PCDH9: variants seen among roughly 807,000 people sequenced by gnomAD.
PCDH9 encodes protocadherin-9.
Under a neutral mutation model 70.6 loss-of-function variants are expected in PCDH9, and 24 were observed. The observed-to-expected ratio is 0.34, with a 90% CI of 0.25 to 0.48. The LOEUF is 0.48. PCDH9 is among the 20% of genes least tolerant of loss of function. The pLI is 0.99. For missense variants in PCDH9, 1,281 were observed against 1,503.6 expected (o/e 0.85, Z 2.45); for synonymous variants, 562 against 558.5 (o/e 1.01, Z -0.09).
At chr13:66,976,034 A>G (rs1171612693) in intron 2 of PCDH9, among the ~76,000 whole-genome samples, 4 of 152,026 alleles carry the variant, frequency 2.6e-5, no homozygotes, top group Non-Finnish European at 1.5e-5. Context: ...GGTAGAGAAA[A>G]ATAGGGCCTT....
At chr13:66,965,804 C>T (rs567322933) in intron 2 of PCDH9, among the ~76,000 whole-genome samples, 1 of 151,766 alleles carries the variant, frequency 6.6e-6, no homozygotes, top group Non-Finnish European at 1.5e-5. Flanking sequence ...TTTTTAATGT[C>T]AGCTATAGTA....
intron 4 of PCDH9, among the ~76,000 whole-genome samples, chr13:66,453,430 AT>A (rs1035347315): frequency 1.3e-5 from 2 of 152,178 alleles, no homozygotes; most frequent in African/African-American, 4.8e-5. Flanking sequence ...CCTATGTGAT[AT>A]TGTTCCCTAA....
chr13:66,996,645 T>A (rs1246138652), intron 2 of PCDH9, among the ~76,000 whole-genome samples: 1 of 152,214 alleles, frequency 6.6e-6, no homozygotes, highest in Non-Finnish European at 1.5e-5. Flanking sequence ...CAGTGCCTAG[T>A]ACCAAACTGA....
chr13:66,557,833 A>G (rs539331801), intron 4 of PCDH9, among the ~76,000 whole-genome samples: 1 of 152,298 alleles, frequency 6.6e-6, no homozygotes, highest in Admixed American at 6.5e-5. Flanking sequence ...GGTTAACATC[A>G]GAAATATAAT....
At chr13:66,791,293 A>G (rs754248454) in intron 3 of PCDH9, among the ~76,000 whole-genome samples, 6 of 152,138 alleles carry the variant, frequency 3.9e-5, no homozygotes, top group Non-Finnish European at 7.4e-5. Flanking sequence ...ACTTATGATG[A>G]AATTTTCAAT....
intron 2 of PCDH9, among the ~76,000 whole-genome samples, chr13:67,004,682 G>C (rs925749722): frequency 6.6e-6 from 1 of 152,090 alleles, no homozygotes; most frequent in Non-Finnish European, 1.5e-5. Context: ...CTTCCATGGA[G>C]TCCAGGTTGG....
chr13:67,226,518 G>A lies in PCDH9; in HGVS notation c.1923C>T (p.Tyr641=). The stretch of plus-strand genomic sequence containing the variant: ...CATCAGTGGCTTTGACATCAAAAGT[G>A]TAGGAACTCTGCTGCTCTCTATCAA... ...VSFDREQQSS[Y]TFDVKATDGG... is the part of the protein sequence containing the mutation. Residue 641 remains tyrosine, a synonymous_variant, in exon 2 of 5, where the codon TAC becomes TAT. Transcript: ENST00000377865. This position sits in a 1 kb window ranked among gnomAD's most constrained non-coding sequence, Gnocchi z 5.0. 1 of 1,614,046 alleles carries A rather than the reference G, an allele frequency of 6.2e-7. No individual in the cohort carries two copies. Among genetic ancestry groups the A allele is most frequent in the Non-Finnish European group, 8.5e-7 (1 of 1,179,918 alleles).
At chr13:66,731,629 G>A (rs1440958140) in intron 3 of PCDH9, among the ~76,000 whole-genome samples, 2 of 151,972 alleles carry the variant, frequency 1.3e-5, no homozygotes, top group Non-Finnish European at 2.9e-5. Flanking sequence ...GAAAGAAAAA[G>A]AAAATTCACT....
chr13:66,478,720 A>G (rs559218215), intron 4 of PCDH9, among the ~76,000 whole-genome samples: 4 of 152,352 alleles, frequency 2.6e-5, no homozygotes, highest in African/African-American at 9.6e-5. Flanking sequence ...GATAAGCCGC[A>G]AAAGAAAAAT....
chr13:66,745,363 C>T (rs187764007), intron 3 of PCDH9, among the ~76,000 whole-genome samples: 5 of 152,134 alleles, frequency 3.3e-5, no homozygotes, highest in African/African-American at 4.8e-5. Context: ...GCTCATAGGG[C>T]AGACGAGTGC....
At chr13:66,498,707 A>C (rs1959155026) in intron 4 of PCDH9, among the ~76,000 whole-genome samples, 1 of 152,172 alleles carries the variant, frequency 6.6e-6, no homozygotes, top group Admixed American at 6.5e-5. Flanking sequence ...TGTTTTAATA[A>C]GGTCCTGAAA....
intron 3 of PCDH9, among the ~76,000 whole-genome samples, chr13:66,772,301 T>A (rs2079820807): frequency 6.6e-6 from 1 of 152,222 alleles, no homozygotes; most frequent in Non-Finnish European, 1.5e-5. Flanking sequence ...AAAACTCCCA[T>A]CTTTTGTGGC....
At chr13:66,610,839 C>CT (rs997075605) in intron 4 of PCDH9, among the ~76,000 whole-genome samples, 2 of 152,190 alleles carry the variant, frequency 1.3e-5, no homozygotes, top group African/African-American at 2.4e-5. Flanking sequence ...AGGATGATAC[C>CT]TTTTTTTAAG....
At chr13:66,792,538 G>T (rs941332582) in intron 3 of PCDH9, among the ~76,000 whole-genome samples, 5 of 151,942 alleles carry the variant, frequency 3.3e-5, no homozygotes, top group African/African-American at 4.8e-5. Flanking sequence ...GCTTGGTGGC[G>T]CATGCCTGTA....
intron 4 of PCDH9, among the ~76,000 whole-genome samples, chr13:66,614,543 T>C (rs946029893): frequency 6.6e-6 from 1 of 152,194 alleles, no homozygotes; most frequent in African/African-American, 2.4e-5. Flanking sequence ...ATCAAGTGTT[T>C]TAACACTCGA....
intron 3 of PCDH9, among the ~76,000 whole-genome samples, chr13:66,807,989 G>A (rs2080437987): frequency 6.6e-6 from 1 of 152,144 alleles, no homozygotes; most frequent in African/African-American, 2.4e-5. Context: ...ATGGAGGAGA[G>A]TTTGGCAGTC....
chr13:66,749,334 A>C (rs934722705), intron 3 of PCDH9, among the ~76,000 whole-genome samples: 4 of 152,158 alleles, frequency 2.6e-5, no homozygotes, highest in Non-Finnish European at 4.4e-5. Context: ...AAAAATCAAA[A>C]TCCATCTGCA....
chr13:66,773,439 T>C (rs2079840849), intron 3 of PCDH9, among the ~76,000 whole-genome samples: 1 of 151,290 alleles, frequency 6.6e-6, no homozygotes, highest in South Asian at 2.1e-4. Context: ...CCATCCTGGC[T>C]AATACAGTGA....
At chr13:67,047,212 G>A (rs1228834937) in intron 2 of PCDH9, among the ~76,000 whole-genome samples, 1 of 152,112 alleles carries the variant, frequency 6.6e-6, no homozygotes, top group Non-Finnish European at 1.5e-5. Context: ...AAAGGGCATG[G>A]TGCTTACAAG....
Sources: allele counts gnomAD v4.1 joint callset (sites outside exome capture counted in the v4.1 genomes callset), GRCh38; gene constraint gnomAD v4.1.1; non-coding constraint Gnocchi (gnomAD v3.1); transcripts MANE v1.5; gene names NCBI Gene and HGNC (gene_info 2026-07-23, HGNC 2026-07-21).